Variants in GSG1L observed in about 807,000 individuals in gnomAD.
GSG1L encodes the protein germ cell-specific gene 1-like protein.
A neutral mutation model predicts 42.1 loss-of-function variants in GSG1L; 24 were observed. The observed-to-expected ratio is 0.57, with a 90% CI of 0.41 to 0.80. The LOEUF is 0.80. GSG1L is among the 30% of genes least tolerant of loss of function. The pLI is 0.00. For missense variants in GSG1L, 445 were observed against 472.2 expected (o/e 0.94, Z 0.53); for synonymous variants, 215 against 203.5 (o/e 1.06, Z -0.48).
chr16:27,920,032 T>C (rs1363488478), intron 2 of GSG1L, among the ~76,000 whole-genome samples: 1 of 152,190 alleles, frequency 6.6e-6, no homozygotes, highest in Non-Finnish European at 1.5e-5. Context: ...GGAAGGGGCC[T>C]TGTGGCTCGG....
At chr16:27,906,379 A>T (rs2084321522) in intron 2 of GSG1L, among the ~76,000 whole-genome samples, 1 of 152,172 alleles carries the variant, frequency 6.6e-6, no homozygotes, top group South Asian at 2.1e-4. Flanking sequence ...AGAAGCCATG[A>T]AATCCCCCTA....
chr16:27,992,117 C>A (rs1426096689), intron 1 of GSG1L, among the ~76,000 whole-genome samples: 1 of 152,206 alleles, frequency 6.6e-6, no homozygotes, highest in East Asian at 1.9e-4. Flanking sequence ...AGATGCTTAT[C>A]TAACCTCCCT....
chr16:27,963,425 G>A (rs560737269), intron 1 of GSG1L, among the ~76,000 whole-genome samples: 245 of 152,072 alleles, frequency 1.6e-3, no homozygotes, highest in Non-Finnish European at 2.8e-3. Flanking sequence ...CTGGCCCATC[G>A]CTTCCACCTC....
chr16:27,958,544 T>C (rs1392269264), intron 2 of GSG1L, among the ~76,000 whole-genome samples: 3 of 152,234 alleles, frequency 2.0e-5, no homozygotes, highest in Admixed American at 6.5e-5. Flanking sequence ...ATCAAATATA[T>C]GTATGTACAT....
At chr16:28,000,153 T>C (rs1473142719) in intron 1 of GSG1L, among the ~76,000 whole-genome samples, 1 of 152,182 alleles carries the variant, frequency 6.6e-6, no homozygotes, top group Non-Finnish European at 1.5e-5. Flanking sequence ...CTTGCTCACA[T>C]GTGACATTCT....
At chr16:27,931,090 C>T (rs2084652822) in intron 2 of GSG1L, among the ~76,000 whole-genome samples, 1 of 152,174 alleles carries the variant, frequency 6.6e-6, no homozygotes, top group Non-Finnish European at 1.5e-5. Context: ...TGAGAAAGAA[C>T]TTGGTGATGA....
chr16:27,936,016 C>G (rs750627069), intron 2 of GSG1L, among the ~76,000 whole-genome samples: 2 of 151,070 alleles, frequency 1.3e-5, no homozygotes, highest in Non-Finnish European at 2.9e-5. Flanking sequence ...AATCTAAGAC[C>G]CCTTCATCCC....
chr16:27,970,382 G>A (rs917922259), intron 1 of GSG1L, among the ~76,000 whole-genome samples: 1 of 151,828 alleles, frequency 6.6e-6, no homozygotes, highest in African/African-American at 2.4e-5. Flanking sequence ...GACAAGCCTG[G>A]CCAACATGGT....
intron 3 of GSG1L, chr16:27,850,381 A>G (rs1038566490): frequency 2.6e-6 from 1 of 388,724 alleles, no homozygotes; most frequent in African/African-American, 2.1e-5. Context: ...TTGAAGGGCC[A>G]GTTCTGCGAT....
chr16:27,858,606 TCAAGGAG>T (rs2083607597), intron 3 of GSG1L, among the ~76,000 whole-genome samples: 1 of 152,144 alleles, frequency 6.6e-6, no homozygotes, highest in East Asian at 1.9e-4. Context: ...GTCCCTGCCC[TCAAGGAG>T]CTGATAGTCT....
rs537216106 is a variant in GSG1L, at chr16:28,040,464, G to A, written c.349+22612C>T. Among the ~76,000 whole-genome samples the A allele has an allele frequency of 2.0e-5, 3 of 151,984 alleles. No individual in the cohort carries two copies. The highest frequency in any genetic ancestry group is 4.8e-5 in the African/African-American group (2 of 41,344). ...CACATACTCCCCCAGAATTAATTAC[G>A]AATTCGGAAGAGTAGAGACCCCATC... On this transcript the variant is annotated intron_variant, in intron 1 of 6. Transcript: ENST00000447459. The surrounding 1 kb of genome is among the most constrained non-coding windows in gnomAD (Gnocchi z 4.1).
At chr16:28,050,090 T>C (rs1289644520) in intron 1 of GSG1L, among the ~76,000 whole-genome samples, 1 of 151,836 alleles carries the variant, frequency 6.6e-6, no homozygotes, top group Non-Finnish European at 1.5e-5. Flanking sequence ...ATAGATGTGA[T>C]GAATGAATGA....
chr16:27,814,688 GAA>G (rs750992732), intron 5 of GSG1L, among the ~76,000 whole-genome samples: 1,211 of 94,292 alleles, frequency 0.013, 16 homozygotes, highest in African/African-American at 0.042. Flanking sequence ...CCGTCTCAAG[GAA>G]AAAAAAAAAA....
chr16:27,935,389 T>C lies in GSG1L; in HGVS notation c.397+27767A>G, dbSNP rs77053388. On this transcript the variant is annotated intron_variant, in intron 2 of 6. Coordinates refer to ENST00000447459, the MANE Select transcript of GSG1L (RefSeq NM_001109763.2). ...CGTTTTTATTTCTGATGCCAAGTGG[T>C]GTCTATGATGCAGGGTCTGACTTGG... 9.3e-4 allele frequency among the ~76,000 whole-genome samples: 142 copies of C among 152,232 alleles called. 1 individual carries two copies. In the East Asian group the frequency reaches 0.027, roughly 29 times the overall value.
chr16:27,965,262 G>T (rs1302371564), intron 1 of GSG1L, among the ~76,000 whole-genome samples: 1 of 151,998 alleles, frequency 6.6e-6, no homozygotes, highest in Non-Finnish European at 1.5e-5. Context: ...CAAGTGATCT[G>T]CCTCAGCCTC....
intron 5 of GSG1L, among the ~76,000 whole-genome samples, chr16:27,817,556 T>G (rs2083109926): frequency 6.6e-6 from 1 of 151,764 alleles, no homozygotes; most frequent in African/African-American, 2.4e-5. Flanking sequence ...GGTGGAGCAA[T>G]CATAACTCAC....
At chr16:27,981,433 A>G (rs2085325586) in intron 1 of GSG1L, among the ~76,000 whole-genome samples, 1 of 152,170 alleles carries the variant, frequency 6.6e-6, no homozygotes, top group Admixed American at 6.6e-5. Flanking sequence ...GCTGGGGGAA[A>G]AAAATGCCAA....
intron 3 of GSG1L, among the ~76,000 whole-genome samples, chr16:27,859,563 C>T (rs1018456641): frequency 5.3e-5 from 8 of 152,272 alleles, no homozygotes; most frequent in South Asian, 4.1e-4. Flanking sequence ...GCCCAGACAT[C>T]ACTGTCTTTG....
intron 2 of GSG1L, among the ~76,000 whole-genome samples, chr16:27,935,741 G>A (rs894322017): frequency 1.9e-4 from 29 of 151,306 alleles, no homozygotes; most frequent in Non-Finnish European, 3.1e-4. Context: ...AAGCCCTCCC[G>A]CCTGGCCCCT....
Sources: gnomAD v4.1 joint callset for allele counts (sites outside exome capture counted in the v4.1 genomes callset) on GRCh38, gnomAD v4.1.1 for gene constraint, Gnocchi (gnomAD v3.1) non-coding constraint, MANE v1.5 for transcripts, NCBI Gene and HGNC (gene_info 2026-07-23, HGNC 2026-07-21) for gene names.